Variants in CREB3L2 observed in about 807,000 individuals in gnomAD.
CREB3L2 encodes cAMP responsive element binding protein 3 like 2.
CREB3L2 carries 23 observed loss-of-function variants against 57.2 expected under a neutral mutation model. That is an observed-to-expected ratio of 0.40 (90% CI 0.29 to 0.57). The LOEUF is 0.57. Ranked by LOEUF, CREB3L2 falls within the 20% of genes least tolerant of loss-of-function variation. The pLI is 0.42. For synonymous variants in CREB3L2, 268 were observed against 265.1 expected, an observed-to-expected ratio of 1.01 and a Z score of -0.11; for missense variants, 628 against 634.7, an observed-to-expected ratio of 0.99 and a Z score of 0.11.
chr7:137,960,681 A>G (rs1202160203), intron 1 of CREB3L2, among the ~76,000 whole-genome samples: 1 of 152,222 alleles, frequency 6.6e-6, no homozygotes, highest in East Asian at 1.9e-4. Context: ...CAATTAATTA[A>G]CTGTGCATAT....
rs1802064668 is a variant in CREB3L2 at position 138,001,068 on chromosome 7, AGAG to A, written c.102+533_102+535del. On this transcript the variant is annotated intron_variant, in intron 1 of 11. Transcript: ENST00000330387. The surrounding 1 kb of genome is among the most constrained non-coding windows in gnomAD (Gnocchi z 4.2). ...ATAAAGCCGCCTTTCTCCCTAACGT[AGAG>A]GAGCCCTTTCAACACACACACACAC... Among the ~76,000 whole-genome samples the A allele has an allele frequency of 7.0e-6, 1 of 143,046 alleles. No individual in the cohort carries two copies. Among genetic ancestry groups the A allele is most frequent in the African/African-American group, 2.6e-5 (1 of 38,992 alleles). The allele number at this position is 143,046 out of a possible 152,430, so 93.8% of individuals were successfully genotyped here.
chr7:137,936,566 G>C (rs1301751111), intron 1 of CREB3L2, among the ~76,000 whole-genome samples: 1 of 152,086 alleles, frequency 6.6e-6, no homozygotes. Flanking sequence ...AGACCCTTTT[G>C]GGAATCTAAT....
chr7:137,955,167 C>T (rs1448219095), intron 1 of CREB3L2: 6 of 616,370 alleles, frequency 9.7e-6, no homozygotes, highest in Non-Finnish European at 1.6e-5. Context: ...TACAGATACG[C>T]TACTACTTCA....
chr7:137,969,746 T>C (rs1387863793), intron 1 of CREB3L2, among the ~76,000 whole-genome samples: 1 of 136,240 alleles, frequency 7.3e-6, no homozygotes, highest in Non-Finnish European at 1.5e-5. Context: ...CTCAACTAAC[T>C]TTCAAGGGTC....
At chr7:137,922,453 T>TATATATATATGTATATATATATATAC (rs1554498063) in intron 2 of CREB3L2, 1 of 72,580 alleles carries the variant, frequency 1.4e-5, no homozygotes, top group African/African-American at 6.3e-5. Context: ...TATATATATA[T>TATATATATATGTATATATATATATAC]ACACACATAT....
chr7:137,934,773 A>G (rs569419420), intron 1 of CREB3L2, among the ~76,000 whole-genome samples: 1 of 152,372 alleles, frequency 6.6e-6, no homozygotes, highest in African/African-American at 2.4e-5. Context: ...GCCTTAATGC[A>G]TGTTTCTGCC....
At chr7:137,923,469 G>A (rs1800380696) in intron 2 of CREB3L2, among the ~76,000 whole-genome samples, 1 of 152,184 alleles carries the variant, frequency 6.6e-6, no homozygotes, top group African/African-American at 2.4e-5. Flanking sequence ...GCATGACAGA[G>A]GACCCAGTGA....
Position 137,903,949 on chromosome 7 carries a change from G to C in CREB3L2, c.974+10C>G, listed in dbSNP as rs760162789. ...GCCCGATGAACGCAACAGTTTGCCA[G>C]CAGGCTTACTTTTTCTCCAGGCTGT... On this transcript the variant is annotated intron_variant, in intron 7 of 11. Coordinates refer to ENST00000330387, the MANE Select transcript of CREB3L2 (RefSeq NM_194071.4). 6.2e-7 allele frequency: 1 copy of C among 1,611,260 alleles called. No individual in the cohort carries two copies. The highest frequency in any genetic ancestry group is 2.2e-5 in the East Asian group (1 of 44,872).
intron 1 of CREB3L2, among the ~76,000 whole-genome samples, chr7:137,954,435 G>A (rs373526520): frequency 1.3e-5 from 2 of 152,162 alleles, no homozygotes; most frequent in East Asian, 3.8e-4. Context: ...AGAGGTTCCT[G>A]TTTGCTCCCT....
intron 8 of CREB3L2, among the ~76,000 whole-genome samples, chr7:137,894,258 C>T (rs754169692): frequency 2.6e-5 from 4 of 152,124 alleles, no homozygotes; most frequent in African/African-American, 4.8e-5. Flanking sequence ...TGACACAATC[C>T]CCACTGAGAG....
At chr7:137,911,891 T>C (rs1800012893) in intron 4 of CREB3L2, among the ~76,000 whole-genome samples, 1 of 152,054 alleles carries the variant, frequency 6.6e-6, no homozygotes, top group African/African-American at 2.4e-5. Flanking sequence ...AGTGATGGCA[T>C]GAGTGAAGGC....
rs976427848 is a variant in CREB3L2, at chr7:138,001,495, T to G, written c.102+109A>C. 6 of 740,340 alleles carry G rather than the reference T, an allele frequency of 8.1e-6. No individual in the cohort carries two copies. The highest frequency in any genetic ancestry group is 3.5e-5 in the South Asian group (2 of 56,894). The allele number at this position is 740,340 out of a possible 1,614,324, so 45.9% of individuals were successfully genotyped here. ...GCCCAGGACCTCTTGATTCTGACCA[T>G]GCCCTGCCCCAAACCCTGCCTTCCC... is the stretch of plus-strand genomic sequence containing the variant. On this transcript the variant is annotated intron_variant, in intron 1 of 11. Coordinates refer to ENST00000330387, the MANE Select transcript of CREB3L2 (RefSeq NM_194071.4). The surrounding 1 kb of genome is among the most constrained non-coding windows in gnomAD (Gnocchi z 4.2).
intron 1 of CREB3L2, among the ~76,000 whole-genome samples, chr7:137,938,504 C>T (rs996989371): frequency 1.3e-5 from 2 of 151,928 alleles, no homozygotes; most frequent in African/African-American, 4.8e-5. Flanking sequence ...CGCCACCACG[C>T]CCAGCTAATT....
Position 137,915,958 on chromosome 7 carries a change from A to T in CREB3L2, c.374T>A (p.Ile125Asn). The T allele has an allele frequency of 6.2e-7, 1 of 1,614,036 alleles. No individual in the cohort carries two copies. The highest frequency in any genetic ancestry group is 8.5e-7 in the Non-Finnish European group (1 of 1,179,966). ...TTCGTCTGTAACTGGCTCTGTCTTG[A>T]TGGATGTTGAAGGGAAGTCTGTAGA... ...YLSTDFPSTS[I>N]KTEPVTDEPP... Residue 125 changes from isoleucine (I) to asparagine (N), a missense_variant, in exon 3 of 12, where the codon ATC becomes AAC. Physicochemically the swap from Ile to Asn is moderately radical, Grantham distance 149. Coordinates refer to ENST00000330387, the MANE Select transcript of CREB3L2 (RefSeq NM_194071.4).
rs1012407830 is a variant in CREB3L2, at chr7:137,996,691, T to C, written c.102+4913A>G. Among the ~76,000 whole-genome samples, 6 of 152,322 alleles carry C rather than the reference T, an allele frequency of 3.9e-5. No individual in the cohort carries two copies. In the East Asian group the frequency reaches 9.6e-4, roughly 24 times the overall value. ...TAAGACATGGAAGCCAGATGGCCTT[T>C]CCATCTGGACACCAGGCAGGTCGAA... On this transcript the variant is annotated intron_variant, in intron 1 of 11. Transcript: ENST00000330387.
chr7:137,981,167 T>G (rs1274577748), intron 1 of CREB3L2, among the ~76,000 whole-genome samples: 1 of 151,420 alleles, frequency 6.6e-6, no homozygotes, highest in Non-Finnish European at 1.5e-5. Flanking sequence ...AAGGCCTGCG[T>G]GAATGAAAGA....
intron 1 of CREB3L2, among the ~76,000 whole-genome samples, chr7:137,985,086 C>T (rs1801769790): frequency 6.6e-6 from 1 of 152,154 alleles, no homozygotes; most frequent in South Asian, 2.1e-4. Flanking sequence ...GAGATTTGGG[C>T]ACAGTTTTCA....
rs1329761459 is a variant in CREB3L2 at position 137,972,730 on chromosome 7, TATATATAGAGAG to T, written c.102+28862_102+28873del. On this transcript the variant is annotated intron_variant, in intron 1 of 11. Coordinates refer to ENST00000330387, the MANE Select transcript of CREB3L2 (RefSeq NM_194071.4). ...AAAAAAAAATATATATATATATATA[TATATATAGAGAG>T]AGAGAGAGAGAGAGAGAGAGAGAGA... 4.6e-3 allele frequency among the ~76,000 whole-genome samples: 127 copies of T among 27,316 alleles called. 1 individual carries two copies. The highest frequency in any genetic ancestry group is 0.023 in the African/African-American group (101 of 4,452). The allele number at this position is 27,316 out of a possible 152,430, so 17.9% of individuals were successfully genotyped here.
chr7:137,948,315 T>C (rs1016803580), intron 1 of CREB3L2, among the ~76,000 whole-genome samples: 15 of 152,250 alleles, frequency 9.9e-5, no homozygotes, highest in African/African-American at 3.6e-4. Context: ...TGGTATTACA[T>C]CATGCTGAAA....
Sources: allele counts gnomAD v4.1 joint callset (sites outside exome capture counted in the v4.1 genomes callset), GRCh38; gene constraint gnomAD v4.1.1; non-coding constraint Gnocchi (gnomAD v3.1); transcripts MANE v1.5; gene names NCBI Gene and HGNC (gene_info 2026-07-23, HGNC 2026-07-21).